CPA4: variants seen among roughly 807,000 people sequenced by gnomAD.
The protein encoded by CPA4 is carboxypeptidase A4.
Under a neutral mutation model 54.7 loss-of-function variants are expected in CPA4, and 49 were observed. That is an observed-to-expected ratio of 0.90 (90% confidence interval 0.71 to 1.14). The LOEUF (loss-of-function observed/expected upper bound fraction) is 1.14. Ranked by LOEUF, CPA4 falls within the 50% of genes most tolerant of loss-of-function variation. The probability of loss-of-function intolerance (pLI) is 0.00; values close to 1 mark genes in which losing one functional copy is unlikely to be tolerated. For synonymous variants in CPA4, 215 were observed against 206.8 expected (o/e 1.04, Z -0.34); for missense variants, 487 against 525.1 (o/e 0.93, Z 0.71).
intron 4 of CPA4, 107 bp downstream of exon 4, chr7:130,301,021 C>T: frequency 1.4e-6 from 1 of 723,716 alleles, no homozygotes; most frequent in South Asian, 1.6e-5. Context: ...TATCCCCTCA[C>T]TGAGGGGCTA....
At chr7:130,312,990 C>T (rs1434281653) in intron 10 of CPA4, among the ~76,000 whole-genome samples, 1 of 152,088 alleles carries the variant, frequency 6.6e-6, no homozygotes, top group Non-Finnish European at 1.5e-5. Flanking sequence ...ATGTTTGGGG[C>T]TAGTTTTTAA....
Position 130,310,910 on chromosome 7 carries a change from A to G in CPA4, c.917A>G (p.Asp306Gly). 1.9e-6 allele frequency: 3 copies of G among 1,614,162 alleles called. No individual in the cohort carries two copies. Among genetic ancestry groups the G allele is most frequent in the Non-Finnish European group, 2.5e-6 (3 of 1,180,030 alleles). The change falls in exon 9 of 11, where the codon GAC becomes GGC. Residue 306 changes from aspartate (D) to glycine (G), a missense_variant. Transcript: ENST00000222482. The surrounding 1 kb of genome is among the most constrained non-coding windows in gnomAD (Gnocchi z 4.3). ...CATGGGAATTTCAAGGGCTTCATCGACCTGCACAGCTACTCGCAGCTGCTG... is the reference window on the plus strand; with the variant it reads ...CATGGGAATTTCAAGGGCTTCATCGGCCTGCACAGCTACTCGCAGCTGCTG... ...QKHGNFKGFIDLHSYSQLLMY... is the reference protein window; with the variant it reads ...QKHGNFKGFIGLHSYSQLLMY...
chr7:130,300,381 G>T (rs897493849), intron 3 of CPA4, among the ~76,000 whole-genome samples: 7 of 148,200 alleles, frequency 4.7e-5, no homozygotes, highest in African/African-American at 1.8e-4. Flanking sequence ...CTTTCGCCAG[G>T]CTAGAGTATA....
Position 130,299,381 on chromosome 7 carries a change from G to T in CPA4, c.262G>T (p.Ala88Ser). Residue 88 changes from alanine (A) to serine (S), a missense_variant, in exon 3 of 11, where the codon GCA becomes TCA. Transcript: ENST00000222482. ...SFLRSQGLEY[A>S]VTIEDLQALL... ...CCTGAGATCCCAGGGCTTAGAGTAC[G>T]CAGTGACAATTGAGGACCTGCAGGT... is the stretch of plus-strand genomic sequence containing the variant. The T allele has an allele frequency of 6.2e-7, 1 of 1,614,096 alleles. No individual in the cohort carries two copies.
intron 4 of CPA4, among the ~76,000 whole-genome samples, chr7:130,303,705 T>C (rs1793773724): frequency 6.6e-6 from 1 of 152,024 alleles, no homozygotes; most frequent in African/African-American, 2.4e-5. Flanking sequence ...CGTGGCTCAC[T>C]GTAGCCTAAA....
rs1366601844 is a variant in CPA4 at position 130,304,588 on chromosome 7, A to T, written c.486+9A>T. The T allele has an allele frequency of 1.3e-6, 2 of 1,554,518 alleles. No individual in the cohort carries two copies. The highest frequency in any genetic ancestry group is 1.1e-5 in the South Asian group (1 of 89,956). The stretch of plus-strand genomic sequence containing the variant: ...CGATGTATGTACTGAAGGTGAGGCC[A>T]CATGCACTTGGAAGGGTCTCCTGGG... On this transcript the variant is annotated intron_variant, in intron 5 of 10. Transcript: ENST00000222482.
chr7:130,317,384 C>T (rs1794005545), intron 10 of CPA4, among the ~76,000 whole-genome samples: 1 of 152,202 alleles, frequency 6.6e-6, no homozygotes, highest in Non-Finnish European at 1.5e-5. Flanking sequence ...TGAAAACATA[C>T]CTCCATTGTG....
At chr7:130,299,508 T>A in intron 3 of CPA4, 104 bp downstream of exon 3, 1 of 1,071,064 alleles carries the variant, frequency 9.3e-7, no homozygotes, top group South Asian at 1.5e-5. Flanking sequence ...CCTTTTCTAT[T>A]TTATAGACCA....
intron 7 of CPA4, chr7:130,308,030 A>G: frequency 2.3e-6 from 1 of 430,896 alleles, no homozygotes; most frequent in Non-Finnish European, 4.2e-6. Flanking sequence ...GCCAAAGCCA[A>G]AAATTATTCA....
At position 130,298,738 on chromosome 7, in the gene CPA4, T is replaced by C; in HGVS notation, c.69-8T>C. 2 of 1,588,988 alleles carry C rather than the reference T, an allele frequency of 1.3e-6. No individual in the cohort carries two copies. The highest frequency in any genetic ancestry group is 1.7e-6 in the Non-Finnish European group (2 of 1,157,940). ...TTTGCTCTTTTTTCCTTTTCGCTTC[T>C]TCCCCAGGGACCAAGTTTTGAGGAT... On this transcript the variant is annotated splice_polypyrimidine_tract_variant and splice_region_variant and intron_variant, in intron 1 of 10. Coordinates refer to ENST00000222482, the MANE Select transcript of CPA4 (RefSeq NM_016352.4).
At chr7:130,293,315 G>T in intron 1 of CPA4, 67 bp downstream of exon 1, 1 of 912,238 alleles carries the variant, frequency 1.1e-6, no homozygotes, top group South Asian at 1.3e-5. Flanking sequence ...AACTGAAAAT[G>T]AATGGCTGAT....
chr7:130,293,172 C>T lies in CPA4; in HGVS notation c.-9C>T, dbSNP rs1259939839. 2.5e-6 allele frequency: 4 copies of T among 1,597,442 alleles called. No individual in the cohort carries two copies. The highest frequency in any genetic ancestry group is 3.4e-6 in the Non-Finnish European group (4 of 1,165,022). On this transcript the variant is annotated 5_prime_UTR_variant, in exon 1 of 11. Transcript: ENST00000222482. The stretch of plus-strand genomic sequence containing the variant: ...GACTCAGCCACTGTATGACTGACTC[C>T]CCGGGGACATGAGGTGGATACTGTT...
Position 130,301,870 on chromosome 7 carries a change from C to G in CPA4, c.384+956C>G, listed in dbSNP as rs57786723. Among the ~76,000 whole-genome samples, 655 of 152,318 alleles carry G rather than the reference C, an allele frequency of 4.3e-3. 5 individuals carry two copies. Among genetic ancestry groups the G allele is most frequent in the African/African-American group, 0.014 (601 of 41,562 alleles). Reference sequence around the variant, plus strand: ...AGCTGGATAAAGTTAGAAGTTCAGTCTTGGGCCATGGACGAAAGCAGAGCT... The same window carrying G: ...AGCTGGATAAAGTTAGAAGTTCAGTGTTGGGCCATGGACGAAAGCAGAGCT... On this transcript the variant is annotated intron_variant, in intron 4 of 10. Coordinates refer to ENST00000222482, the MANE Select transcript of CPA4 (RefSeq NM_016352.4).
rs73721866 is a variant in CPA4 at position 130,312,265 on chromosome 7, G to C, written c.1078+143G>C. 1,767 of 637,234 alleles carry C rather than the reference G, an allele frequency of 2.8e-3. 19 individuals are homozygous for C. The highest frequency in any genetic ancestry group is 0.025 in the African/African-American group (1,400 of 55,630). 39.5% of individuals were successfully genotyped at this position (637,234 alleles called of 1,614,324 possible). A position where few individuals can be genotyped will look rare whatever the true frequency, so the allele number is the denominator to read the frequency against. On this transcript the variant is annotated intron_variant, in intron 10 of 10. Transcript: ENST00000222482. ...TAATAGACTGAACTACATCATGCCT[G>C]TGTGGTGACAGCTGTTGCATGCAGT...
intron 10 of CPA4, among the ~76,000 whole-genome samples, chr7:130,313,894 G>T (rs181043406): frequency 6.6e-6 from 1 of 152,318 alleles, no homozygotes; most frequent in African/African-American, 2.4e-5. Flanking sequence ...TAAAGACGGG[G>T]TGTTTTTTCT....
chr7:130,300,749 T>A, intron 3 of CPA4, 67 bp from the exon 4 acceptor site: 1 of 1,100,388 alleles, frequency 9.1e-7, no homozygotes, highest in Non-Finnish European at 1.4e-6. Context: ...TATGCAAAGA[T>A]ATGGCAGAAA....
At chr7:130,319,341 C>T (rs1254021496) in intron 10 of CPA4, among the ~76,000 whole-genome samples, 1 of 152,194 alleles carries the variant, frequency 6.6e-6, no homozygotes, top group Non-Finnish European at 1.5e-5. Flanking sequence ...CATATGCCTT[C>T]CTCCAATTTT....
intron 3 of CPA4, among the ~76,000 whole-genome samples, chr7:130,300,401 T>C (rs1433013856): frequency 2.0e-5 from 3 of 148,156 alleles, no homozygotes; most frequent in African/African-American, 7.5e-5. Context: ...AATGGTGCAA[T>C]CTCGGCTCAC....
chr7:130,315,882 A>G (rs1431949574), intron 10 of CPA4, among the ~76,000 whole-genome samples: 2 of 152,164 alleles, frequency 1.3e-5, no homozygotes, highest in African/African-American at 4.8e-5. Flanking sequence ...ATCTGGGGTT[A>G]TGTGTATATG....
Sources: gnomAD v4.1 joint callset for allele counts (sites outside exome capture counted in the v4.1 genomes callset) on GRCh38, gnomAD v4.1.1 for gene constraint, Gnocchi (gnomAD v3.1) non-coding constraint, MANE v1.5 for transcripts, NCBI Gene and HGNC (gene_info 2026-07-23, HGNC 2026-07-21) for gene names.